SMARCA2: variants seen among roughly 807,000 people sequenced by gnomAD.
SMARCA2 encodes SWI/SNF-related matrix-associated actin-dependent regulator of chromatin subfamily A member 2.
Under a neutral mutation model 199.8 loss-of-function variants are expected in SMARCA2, and 61 were observed. That is an observed-to-expected ratio of 0.31 (90% confidence interval 0.25 to 0.38). The LOEUF is 0.38. SMARCA2 is among the 10% of genes least tolerant of loss of function. The probability of loss-of-function intolerance (pLI) is 1.00; values close to 1 mark genes in which losing one functional copy is unlikely to be tolerated. For missense variants in SMARCA2, 1,344 were observed against 2,012.2 expected, an observed-to-expected ratio of 0.67 and a Z score of 6.35; for synonymous variants, 935 against 732.0, an observed-to-expected ratio of 1.28 and a Z score of -4.48.
chr9:2,131,436 T>A (rs553125905), intron 27 of SMARCA2, among the ~76,000 whole-genome samples: 1 of 152,302 alleles, frequency 6.6e-6, no homozygotes, highest in South Asian at 2.1e-4. Flanking sequence ...ACGGAAATGA[T>A]GGTGATGAGA....
chr9:2,138,969 T>C (rs1247838964), intron 27 of SMARCA2, among the ~76,000 whole-genome samples: 2 of 152,062 alleles, frequency 1.3e-5, no homozygotes, highest in Non-Finnish European at 2.9e-5. Context: ...CAACTAAGGG[T>C]TCCCTAGCAT....
intron 29 of SMARCA2, among the ~76,000 whole-genome samples, chr9:2,174,584 G>T (rs944970934): frequency 1.3e-5 from 2 of 152,098 alleles, no homozygotes; most frequent in African/African-American, 2.4e-5. Flanking sequence ...TAATTTGGTC[G>T]CAATTCAGCC....
intron 5 of SMARCA2, among the ~76,000 whole-genome samples, chr9:2,054,212 T>C (rs1277784975): frequency 6.6e-6 from 1 of 152,230 alleles, no homozygotes. Context: ...GAAAAAAGTC[T>C]GTGCTCTCAG....
At position 2,115,923 on chromosome 9, in the gene SMARCA2, G is replaced by A. The variant is rs1823196793; in HGVS notation, c.3558G>A (p.Ala1186=). 1.9e-6 allele frequency: 3 copies of A among 1,614,102 alleles called. No individual in the cohort carries two copies. The highest frequency in any genetic ancestry group is 2.2e-5 in the East Asian group (1 of 44,866). Residue 1186 remains alanine, a synonymous_variant, in exon 25 of 34, where the codon GCG becomes GCA. Coordinates refer to ENST00000349721, the MANE Select transcript of SMARCA2 (RefSeq NM_003070.5). This position sits in a 1 kb window ranked among gnomAD's most constrained non-coding sequence, Gnocchi z 6.0. ...ACAGCGTGGAGGAAAAGATCCTCGC[G>A]GCCGCAAAATACAAGCTGAACGTGG... The part of the protein sequence containing the change: ...TVNSVEEKIL[A]AAKYKLNVDQ...
chr9:2,065,308 G>A lies in SMARCA2; in HGVS notation c.1692+4322G>A, dbSNP rs147844724. 1.4e-3 allele frequency among the ~76,000 whole-genome samples: 215 copies of A among 152,190 alleles called. 1 individual carries two copies. The highest frequency in any genetic ancestry group is 5.1e-3 in the African/African-American group (212 of 41,520). ...GATGTATACCAGCAGAACTATTCTT[G>A]TGTTATTTATTTGTGACATTTTTTG... On this transcript the variant is annotated intron_variant, in intron 9 of 33. Transcript: ENST00000349721.
At chr9:2,127,453 A>C (rs1823745125) in intron 27 of SMARCA2, among the ~76,000 whole-genome samples, 1 of 152,190 alleles carries the variant, frequency 6.6e-6, no homozygotes, top group African/African-American at 2.4e-5. Context: ...CTTCCCTGAA[A>C]GTCCATGGTA....
At chr9:2,174,407 A>T (rs986317175) in intron 29 of SMARCA2, among the ~76,000 whole-genome samples, 1 of 152,220 alleles carries the variant, frequency 6.6e-6, no homozygotes, top group South Asian at 2.1e-4. Flanking sequence ...TCACTCCTTT[A>T]GAATCACACC....
intron 13 of SMARCA2, among the ~76,000 whole-genome samples, chr9:2,077,028 C>A (rs1821354652): frequency 6.6e-6 from 1 of 152,152 alleles, no homozygotes; most frequent in African/African-American, 2.4e-5. Flanking sequence ...ACTTTAGGGA[C>A]CCTTCCTCCT....
intron 1 of SMARCA2, among the ~76,000 whole-genome samples, chr9:2,023,694 T>G (rs1391829606): frequency 1.3e-5 from 2 of 152,220 alleles, no homozygotes; most frequent in Non-Finnish European, 2.9e-5. Context: ...TTATTTCCTT[T>G]ATCTGCATTG....
intron 2 of SMARCA2, among the ~76,000 whole-genome samples, chr9:2,030,980 A>G (rs1448703893): frequency 6.6e-6 from 1 of 152,242 alleles, no homozygotes; most frequent in Non-Finnish European, 1.5e-5. Context: ...ATAAACAGAT[A>G]ATCTTACCTT....
intron 27 of SMARCA2, among the ~76,000 whole-genome samples, chr9:2,134,755 A>T (rs1032376453): frequency 3.9e-5 from 6 of 152,110 alleles, no homozygotes; most frequent in African/African-American, 1.4e-4. Flanking sequence ...GAAGGTTATT[A>T]TATCATGAGA....
intron 29 of SMARCA2, among the ~76,000 whole-genome samples, chr9:2,171,226 C>T (rs894235836): frequency 2.6e-5 from 4 of 152,138 alleles, no homozygotes; most frequent in African/African-American, 9.7e-5. Context: ...TTTCTTTCTC[C>T]ATTTCGGTCA....
intron 19 of SMARCA2, among the ~76,000 whole-genome samples, chr9:2,090,207 A>G (rs1212618028): frequency 1.3e-5 from 2 of 152,200 alleles, no homozygotes; most frequent in Non-Finnish European, 2.9e-5. Context: ...TACTTGAAGG[A>G]TGATAAAATT....
At chr9:2,050,974 G>A (rs1800843779) in intron 5 of SMARCA2, among the ~76,000 whole-genome samples, 1 of 152,192 alleles carries the variant, frequency 6.6e-6, no homozygotes, top group African/African-American at 2.4e-5. Flanking sequence ...TCGTGAGGAC[G>A]CTAAATGAGT....
At chr9:2,092,174 A>G (rs1477238972) in intron 19 of SMARCA2, among the ~76,000 whole-genome samples, 1 of 152,222 alleles carries the variant, frequency 6.6e-6, no homozygotes, top group Non-Finnish European at 1.5e-5. Context: ...GTTAATTCAT[A>G]TCATCAAGAA....
intron 31 of SMARCA2, among the ~76,000 whole-genome samples, chr9:2,183,649 A>G (rs1050584382): frequency 1.3e-5 from 2 of 152,204 alleles, no homozygotes; most frequent in African/African-American, 4.8e-5. Flanking sequence ...GAATAGAGAA[A>G]TCTTCAGAAT....
At chr9:2,190,714 T>C (rs1219625317) in intron 32 of SMARCA2, among the ~76,000 whole-genome samples, 1 of 152,134 alleles carries the variant, frequency 6.6e-6, no homozygotes, top group Non-Finnish European at 1.5e-5. Flanking sequence ...TGGAAATAAT[T>C]AGTTATAGGG....
chr9:2,161,811 C>A lies in SMARCA2; in HGVS notation c.4107C>A (p.Gly1369=), dbSNP rs749193780. 6.2e-7 allele frequency: 1 copy of A among 1,613,982 alleles called. No individual in the cohort carries two copies. Among genetic ancestry groups the A allele is most frequent in the East Asian group, 2.2e-5 (1 of 44,870 alleles). ...EDVEKAKKRR[G]RPPAEKLSPN... ...TGGAAAAAGCTAAGAAGAGAAGAGG[C>A]CGCCCTCCCGCTGAGAAACTGTCAC... is the stretch of plus-strand genomic sequence containing the variant. The change falls in exon 28 of 34, where the codon GGC becomes GGA. Residue 1369 remains glycine, a synonymous_variant. Transcript: ENST00000349721. This position sits in a 1 kb window ranked among gnomAD's most constrained non-coding sequence, Gnocchi z 4.7.
intron 9 of SMARCA2, among the ~76,000 whole-genome samples, chr9:2,064,724 C>T (rs768042823): frequency 7.9e-5 from 12 of 152,106 alleles, no homozygotes; most frequent in Non-Finnish European, 2.9e-5. Context: ...CTCTGCCTAC[C>T]ACCCTGTTCC....
Sources: gnomAD v4.1 joint callset for allele counts (sites outside exome capture counted in the v4.1 genomes callset) on GRCh38, gnomAD v4.1.1 for gene constraint, Gnocchi (gnomAD v3.1) non-coding constraint, MANE v1.5 for transcripts, NCBI Gene and HGNC (gene_info 2026-07-23, HGNC 2026-07-21) for gene names.